Variants in CCDC6 observed in about 807,000 individuals in gnomAD.
CCDC6 encodes the protein coiled-coil domain-containing protein 6.
CCDC6 carries 20 observed loss-of-function variants against 56.6 expected under a neutral mutation model. The observed-to-expected ratio is 0.35, with a 90% CI of 0.25 to 0.51. The LOEUF (loss-of-function observed/expected upper bound fraction) is 0.51. CCDC6 is among the 20% of genes least tolerant of loss of function. The probability of loss-of-function intolerance (pLI) is 0.95; values close to 1 mark genes in which losing one functional copy is unlikely to be tolerated. For missense variants in CCDC6, 367 were observed against 601.1 expected, an observed-to-expected ratio of 0.61 and a Z score of 4.07; for synonymous variants, 241 against 234.4, an observed-to-expected ratio of 1.03 and a Z score of -0.26.
intron 2 of CCDC6, among the ~76,000 whole-genome samples, chr10:59,847,231 T>G (rs1270448116): frequency 6.6e-6 from 1 of 152,070 alleles, no homozygotes; most frequent in Non-Finnish European, 1.5e-5. Flanking sequence ...TTTTTTGTAT[T>G]TTTAGTAGAG....
intron 2 of CCDC6, among the ~76,000 whole-genome samples, chr10:59,835,478 C>T (rs1342161873): frequency 6.6e-6 from 1 of 152,140 alleles, no homozygotes. Context: ...GAGCTGTACC[C>T]TAAGGAAAAT....
intron 1 of CCDC6, among the ~76,000 whole-genome samples, chr10:59,853,320 T>G (rs1709345): frequency 0.54 from 81,426 of 151,920 alleles, 23,871 homozygotes; most frequent in African/African-American, 0.79. Flanking sequence ...ATCACTTTGA[T>G]CTCAAGAGTT....
At chr10:59,885,622 T>C (rs1038204328) in intron 1 of CCDC6, among the ~76,000 whole-genome samples, 2 of 152,170 alleles carry the variant, frequency 1.3e-5, no homozygotes, top group East Asian at 1.9e-4. Flanking sequence ...TGACCACAAC[T>C]CGTCTTTCAG....
chr10:59,851,432 A>C (rs2071038331), intron 2 of CCDC6, among the ~76,000 whole-genome samples: 2 of 152,188 alleles, frequency 1.3e-5, no homozygotes, highest in African/African-American at 4.8e-5. Flanking sequence ...CATTTCAGTA[A>C]CTACCATATA....
intron 1 of CCDC6, among the ~76,000 whole-genome samples, chr10:59,873,664 T>C (rs1440173568): frequency 6.6e-6 from 1 of 152,162 alleles, no homozygotes; most frequent in Non-Finnish European, 1.5e-5. Flanking sequence ...TCTGGCCTCA[T>C]GGGATAAGAG....
chr10:59,813,642 T>C (rs1044891425), intron 4 of CCDC6, among the ~76,000 whole-genome samples: 5 of 152,198 alleles, frequency 3.3e-5, no homozygotes, highest in Non-Finnish European at 5.9e-5. Flanking sequence ...GTTACCTCCA[T>C]CCAGGTCTAC....
In CCDC6 at chr10:59,791,869, A is replaced by G. The variant is rs551625003; in HGVS notation, c.*1048T>C. The G allele has an allele frequency of 4.6e-6, 1 of 219,674 alleles. No homozygotes were observed. The highest frequency in any genetic ancestry group is 1.8e-4 in the South Asian group (1 of 5,430). The allele number at this position is 219,674 out of a possible 1,614,324, so 13.6% of individuals were successfully genotyped here. On this transcript the variant is annotated 3_prime_UTR_variant, in exon 9 of 9. Coordinates refer to ENST00000263102, the MANE Select transcript of CCDC6 (RefSeq NM_005436.5). The stretch of plus-strand genomic sequence containing the variant: ...TACTGGGTGAAATGAACAGCCATCA[A>G]TGCTAATGTGCTACTTTCCTTTAGA...
intron 3 of CCDC6, among the ~76,000 whole-genome samples, chr10:59,817,631 A>G (rs2070718794): frequency 6.6e-6 from 1 of 152,240 alleles, no homozygotes; most frequent in Non-Finnish European, 1.5e-5. Flanking sequence ...TGTCTAGTGG[A>G]GAAATGCATA....
intron 3 of CCDC6, among the ~76,000 whole-genome samples, chr10:59,827,968 C>T (rs2070802871): frequency 6.6e-6 from 1 of 152,106 alleles, no homozygotes; most frequent in East Asian, 1.9e-4. Flanking sequence ...TGTCTTCTTC[C>T]CCATCAGATA....
intron 3 of CCDC6, among the ~76,000 whole-genome samples, chr10:59,821,895 A>G (rs761157182): frequency 2.6e-5 from 4 of 152,266 alleles, no homozygotes; most frequent in Non-Finnish European, 5.9e-5. Context: ...GGCCTGCCCA[A>G]TTTCTTAATC....
At chr10:59,804,051 A>G (rs1176873616) in intron 7 of CCDC6, among the ~76,000 whole-genome samples, 1 of 152,224 alleles carries the variant, frequency 6.6e-6, no homozygotes, top group Non-Finnish European at 1.5e-5. Flanking sequence ...GAATATGGTA[A>G]AAGAACCCAT....
intron 8 of CCDC6, among the ~76,000 whole-genome samples, chr10:59,793,643 G>T (rs1367000456): frequency 6.6e-6 from 1 of 152,168 alleles, no homozygotes; most frequent in East Asian, 1.9e-4. Context: ...AAGCAGCCAG[G>T]TGTGGTGCCG....
intron 1 of CCDC6, among the ~76,000 whole-genome samples, chr10:59,863,221 T>G (rs2071148752): frequency 6.6e-6 from 1 of 152,212 alleles, no homozygotes; most frequent in South Asian, 2.1e-4. Context: ...CACAGGTAGA[T>G]GCAATGGTAT....
chr10:59,893,859 A>G (rs2071442699), intron 1 of CCDC6, among the ~76,000 whole-genome samples: 1 of 152,176 alleles, frequency 6.6e-6, no homozygotes, highest in African/African-American at 2.4e-5. Context: ...TTTACATGGC[A>G]GTCACCATGC....
chr10:59,875,824 A>C (rs907121276), intron 1 of CCDC6, among the ~76,000 whole-genome samples: 1 of 152,206 alleles, frequency 6.6e-6, no homozygotes, highest in Non-Finnish European at 1.5e-5. Context: ...CAAGTTAACT[A>C]GGTAAACTAA....
chr10:59,810,943 G>C (rs1298726026), intron 5 of CCDC6, among the ~76,000 whole-genome samples: 1 of 152,188 alleles, frequency 6.6e-6, no homozygotes, highest in Non-Finnish European at 1.5e-5. Context: ...GGGAATCAGA[G>C]TGAAAAGAAG....
At chr10:59,884,354 C>T (rs1384735106) in intron 1 of CCDC6, among the ~76,000 whole-genome samples, 1 of 152,214 alleles carries the variant, frequency 6.6e-6, no homozygotes, top group Non-Finnish European at 1.5e-5. Context: ...TGACTTACTG[C>T]TGCCCAAGTG....
intron 3 of CCDC6, among the ~76,000 whole-genome samples, chr10:59,816,787 T>G (rs1183321477): frequency 6.6e-6 from 1 of 152,212 alleles, no homozygotes; most frequent in African/African-American, 2.4e-5. Flanking sequence ...GTCTGTTTCA[T>G]TCCTTAGTAC....
chr10:59,904,474 T>C (rs1322352689), intron 1 of CCDC6, among the ~76,000 whole-genome samples: 2 of 152,248 alleles, frequency 1.3e-5, no homozygotes, highest in East Asian at 1.9e-4. Flanking sequence ...GTCTTACTAC[T>C]TTCCATGGCT....
Sources: allele counts gnomAD v4.1 joint callset (sites outside exome capture counted in the v4.1 genomes callset), GRCh38; gene constraint gnomAD v4.1.1; transcripts MANE v1.5; gene names NCBI Gene and HGNC (gene_info 2026-07-23, HGNC 2026-07-21).